Variants in THSD7B observed in about 807,000 individuals in gnomAD.
The protein encoded by THSD7B is thrombospondin type-1 domain-containing protein 7B.
Under a neutral mutation model 213.6 loss-of-function variants are expected in THSD7B, and 138 were observed. That is an observed-to-expected ratio of 0.65 (90% CI 0.56 to 0.74). The LOEUF (loss-of-function observed/expected upper bound fraction) is 0.74, where lower values mean the gene tolerates loss of function less well. THSD7B is among the 30% of genes least tolerant of loss of function. The pLI, the probability that THSD7B is intolerant of heterozygous loss-of-function variation, is 0.00. For missense variants in THSD7B, 1,931 were observed against 1,991.5 expected, an observed-to-expected ratio of 0.97 and a Z score of 0.58; for synonymous variants, 742 against 687.0, an observed-to-expected ratio of 1.08 and a Z score of -1.25.
At chr2:137,270,003 G>A (rs1682695624) in intron 10 of THSD7B, among the ~76,000 whole-genome samples, 1 of 152,124 alleles carries the variant, frequency 6.6e-6, no homozygotes, top group South Asian at 2.1e-4. Flanking sequence ...AGACTAACAG[G>A]GTATGATGGT....
rs1018690305 is a variant in THSD7B, at chr2:137,394,557, T to C, written c.2501-11056T>C. ...GGTACCAGTACCATGCTGTTTTGGTTACTGTAGCCTTGTAGTATAGTTTGA... is the reference window on the plus strand; with the variant it reads ...GGTACCAGTACCATGCTGTTTTGGTCACTGTAGCCTTGTAGTATAGTTTGA... On this transcript the variant is annotated intron_variant, in intron 12 of 27. Transcript: ENST00000409968. Among the ~76,000 whole-genome samples, 13 of 135,822 alleles carry C rather than the reference T, an allele frequency of 9.6e-5. 3 individuals are homozygous for C. Among genetic ancestry groups the C allele is most frequent in the African/African-American group, 3.5e-4 (13 of 36,734 alleles). The allele number at this position is 135,822 out of a possible 152,430, so 89.1% of individuals were successfully genotyped here. A position where few individuals can be genotyped will look rare whatever the true frequency, so the allele number is the denominator to read the frequency against.
intron 3 of THSD7B, among the ~76,000 whole-genome samples, chr2:137,089,058 T>A (rs1687896342): frequency 1.3e-5 from 2 of 151,980 alleles, no homozygotes; most frequent in East Asian, 3.9e-4. Flanking sequence ...TGAAAAACAG[T>A]GTGGAGATTC....
intron 12 of THSD7B, among the ~76,000 whole-genome samples, chr2:137,332,198 C>T (rs1573966216): frequency 6.6e-6 from 1 of 152,124 alleles, no homozygotes; most frequent in African/African-American, 2.4e-5. Context: ...GGGCTGTACC[C>T]TGCAAAGCCA....
intron 14 of THSD7B, among the ~76,000 whole-genome samples, chr2:137,437,570 G>C (rs1052348707): frequency 6.6e-6 from 1 of 152,134 alleles, no homozygotes; most frequent in Non-Finnish European, 1.5e-5. Flanking sequence ...AGCAAGAAGA[G>C]ACATGAAAGC....
chr2:137,022,040 C>A (rs1369801067), intron 2 of THSD7B, among the ~76,000 whole-genome samples: 2 of 152,154 alleles, frequency 1.3e-5, no homozygotes, highest in East Asian at 3.8e-4. Context: ...TTTTTAATTG[C>A]TGAGCAATTA....
At chr2:137,279,430 C>T (rs1379405567) in intron 12 of THSD7B, among the ~76,000 whole-genome samples, 1 of 151,980 alleles carries the variant, frequency 6.6e-6, no homozygotes, top group Admixed American at 6.6e-5. Flanking sequence ...GTCATCCCAG[C>T]TACTCAGAAG....
At chr2:137,104,801 A>C (rs1419930311) in intron 4 of THSD7B, among the ~76,000 whole-genome samples, 1 of 152,198 alleles carries the variant, frequency 6.6e-6, no homozygotes, top group Non-Finnish European at 1.5e-5. Flanking sequence ...TAAACTAAAA[A>C]ATCTACAAGA....
intron 6 of THSD7B, among the ~76,000 whole-genome samples, chr2:137,161,174 G>C (rs1680012036): frequency 6.6e-6 from 1 of 152,020 alleles, no homozygotes; most frequent in African/African-American, 2.4e-5. Context: ...CTATGGTCTA[G>C]TTTTCTTTAG....
chr2:137,485,775 C>A (rs1398451298), intron 15 of THSD7B, among the ~76,000 whole-genome samples: 1 of 152,222 alleles, frequency 6.6e-6, no homozygotes. Context: ...AAGGGAAGCC[C>A]ATCAGACTAA....
intron 12 of THSD7B, among the ~76,000 whole-genome samples, chr2:137,333,006 A>C (rs1684549894): frequency 6.6e-6 from 1 of 152,216 alleles, no homozygotes; most frequent in South Asian, 2.1e-4. Flanking sequence ...AGAATGAGTT[A>C]GGTGGCCCTG....
intron 12 of THSD7B, among the ~76,000 whole-genome samples, chr2:137,295,188 C>A (rs943329789): frequency 2.6e-5 from 4 of 152,044 alleles, no homozygotes; most frequent in African/African-American, 9.7e-5. Flanking sequence ...AAGCCCTGTT[C>A]CAATTAAAAC....
intron 15 of THSD7B, among the ~76,000 whole-genome samples, chr2:137,511,564 T>C (rs1381963926): frequency 1.3e-5 from 2 of 152,212 alleles, no homozygotes; most frequent in Admixed American, 1.3e-4. Context: ...ATTTAGTGTT[T>C]GATAGCCTGG....
At chr2:137,020,944 C>G (rs1052009696) in intron 2 of THSD7B, among the ~76,000 whole-genome samples, 12 of 152,218 alleles carry the variant, frequency 7.9e-5, no homozygotes, top group African/African-American at 2.6e-4. Flanking sequence ...TATGTCTTAT[C>G]CAGGAGACAG....
chr2:137,130,407 T>C (rs1455408482), intron 5 of THSD7B, among the ~76,000 whole-genome samples: 1 of 152,072 alleles, frequency 6.6e-6, no homozygotes, highest in East Asian at 1.9e-4. Context: ...CTTTAAGTTT[T>C]AGGGTACATG....
At chr2:137,523,142 A>G (rs1242783081) in intron 15 of THSD7B, among the ~76,000 whole-genome samples, 1 of 149,640 alleles carries the variant, frequency 6.7e-6, no homozygotes, top group Non-Finnish European at 1.5e-5. Flanking sequence ...TGGACTAGGC[A>G]TATAATCAGT....
intron 4 of THSD7B, among the ~76,000 whole-genome samples, chr2:137,097,808 A>ACC (rs1553470603): frequency 8.7e-5 from 13 of 148,854 alleles, no homozygotes; most frequent in South Asian, 2.1e-4. Flanking sequence ...ACACACACAC[A>ACC]CCTTTAAAAC....
intron 1 of THSD7B, among the ~76,000 whole-genome samples, chr2:136,864,194 C>T (rs920079623): frequency 3.9e-5 from 6 of 152,204 alleles, no homozygotes; most frequent in African/African-American, 1.4e-4. Context: ...GCTGAGTTGG[C>T]TTCCTCAAGC....
intron 15 of THSD7B, among the ~76,000 whole-genome samples, chr2:137,461,514 C>G (rs1292925984): frequency 6.6e-6 from 1 of 151,988 alleles, no homozygotes; most frequent in Non-Finnish European, 1.5e-5. Context: ...CACTACCTTC[C>G]CACTGGACTC....
Position 137,242,548 on chromosome 2 carries a change from C to A in THSD7B, c.2242C>A (p.Pro748Thr), listed in dbSNP as rs753326686. The A allele has an allele frequency of 5.0e-6, 8 of 1,613,656 alleles. No individual in the cohort carries two copies. The highest frequency in any genetic ancestry group is 5.9e-6 in the Non-Finnish European group (7 of 1,179,636). Residue 748 changes from proline (P) to threonine (T), a missense_variant, in exon 10 of 28, where the codon CCC becomes ACC. Transcript: ENST00000409968. ...CIVTAFSEWT[P>T]CPRMCQAGNA... ...TGTGACTGCTTTCAGTGAGTGGACA[C>A]CCTGCCCAAGGATGTGCCAAGCAGG...
Sources: allele counts gnomAD v4.1 joint callset (sites outside exome capture counted in the v4.1 genomes callset), GRCh38; gene constraint gnomAD v4.1.1; transcripts MANE v1.5; gene names NCBI Gene and HGNC (gene_info 2026-07-23, HGNC 2026-07-21).